PLXDC2: variants seen among roughly 807,000 people sequenced by gnomAD.
PLXDC2 encodes the protein plexin domain-containing protein 2.
In PLXDC2, 40 loss-of-function variants were observed where a neutral mutation model predicts 68.9. The ratio of observed to expected loss-of-function variants is 0.58; its 90% CI spans 0.45 to 0.76. The LOEUF is 0.76. PLXDC2 is among the 30% of genes least tolerant of loss of function. The pLI is 0.00. For missense variants in PLXDC2, 644 were observed against 661.9 expected (o/e 0.97, Z 0.30); for synonymous variants, 243 against 234.2 (o/e 1.04, Z -0.34).
intron 1 of PLXDC2, among the ~76,000 whole-genome samples, chr10:19,843,723 A>G (rs906734739): frequency 2.0e-5 from 3 of 152,160 alleles, no homozygotes; most frequent in African/African-American, 7.2e-5. Flanking sequence ...AAAAAATGTG[A>G]TCTCCTGGAG....
chr10:20,005,010 G>A (rs1236634936), intron 2 of PLXDC2, among the ~76,000 whole-genome samples: 1 of 152,076 alleles, frequency 6.6e-6, no homozygotes, highest in East Asian at 1.9e-4. Flanking sequence ...TGTGTTTTCT[G>A]GGCAATTTCA....
intron 5 of PLXDC2, among the ~76,000 whole-genome samples, chr10:20,144,007 A>G (rs1304212990): frequency 6.6e-6 from 1 of 152,136 alleles, no homozygotes; most frequent in Non-Finnish European, 1.5e-5. Flanking sequence ...AATAGAGAAA[A>G]AAACTATAAT....
At chr10:20,008,903 G>A (rs1297449087) in intron 2 of PLXDC2, among the ~76,000 whole-genome samples, 4 of 152,126 alleles carry the variant, frequency 2.6e-5, no homozygotes, top group East Asian at 1.9e-4. Flanking sequence ...ACCTTCTGCC[G>A]TGATTGTCAG....
chr10:20,179,488 G>A (rs1365850108), intron 9 of PLXDC2, among the ~76,000 whole-genome samples: 1 of 151,888 alleles, frequency 6.6e-6, no homozygotes, highest in Admixed American at 6.6e-5. Flanking sequence ...GACTTTCAAT[G>A]CTAAAACCAG....
chr10:19,920,597 A>T (rs918114158), intron 1 of PLXDC2, among the ~76,000 whole-genome samples: 6 of 152,092 alleles, frequency 3.9e-5, no homozygotes, highest in Non-Finnish European at 2.9e-5. Context: ...TCCAGGGGAA[A>T]ACCCTCCCAC....
chr10:19,952,929 A>T (rs1454476692), intron 1 of PLXDC2, among the ~76,000 whole-genome samples: 3 of 151,908 alleles, frequency 2.0e-5, no homozygotes, highest in Non-Finnish European at 4.4e-5. Context: ...TGTTTTGATG[A>T]TCTCAGCTCA....
chr10:20,144,263 A>C (rs1834044673), intron 5 of PLXDC2, among the ~76,000 whole-genome samples: 2 of 152,164 alleles, frequency 1.3e-5, no homozygotes, highest in South Asian at 2.1e-4. Context: ...TGGGGTGAAC[A>C]GAGTTATTTC....
At chr10:20,166,255 G>C (rs1465394049) in intron 7 of PLXDC2, among the ~76,000 whole-genome samples, 1 of 152,084 alleles carries the variant, frequency 6.6e-6, no homozygotes, top group Non-Finnish European at 1.5e-5. Context: ...AGAACTGAAT[G>C]GTTATGTTAC....
intron 4 of PLXDC2, among the ~76,000 whole-genome samples, chr10:20,128,386 T>C (rs902166597): frequency 1.3e-5 from 2 of 152,184 alleles, no homozygotes; most frequent in South Asian, 4.1e-4. Flanking sequence ...AATTGGCAAA[T>C]GCAATTTGTA....
intron 4 of PLXDC2, among the ~76,000 whole-genome samples, chr10:20,139,340 G>C (rs1833971596): frequency 6.6e-6 from 1 of 152,170 alleles, no homozygotes; most frequent in South Asian, 2.1e-4. Context: ...TTTAAATGAA[G>C]GTGTCTTTCT....
intron 1 of PLXDC2, among the ~76,000 whole-genome samples, chr10:19,890,853 C>T (rs1305641169): frequency 3.3e-5 from 5 of 151,984 alleles, no homozygotes. Flanking sequence ...GTATTTCTCT[C>T]AGTGATACTG....
intron 9 of PLXDC2, among the ~76,000 whole-genome samples, chr10:20,204,537 T>A (rs950003517): frequency 2.0e-5 from 3 of 152,188 alleles, no homozygotes; most frequent in Non-Finnish European, 4.4e-5. Context: ...TAACACATCC[T>A]GATAAATACC....
At position 19,931,240 on chromosome 10, in the gene PLXDC2, C is replaced by A. The variant is rs79953550; in HGVS notation, c.113-70535C>A. ...TTGGACTCTTCAGAAGTCCTGAGGA[C>A]GGGCCAGCTTGGCAAGTTTTCTCCT... is the stretch of plus-strand genomic sequence containing the variant. On this transcript the variant is annotated intron_variant, in intron 1 of 13. Transcript: ENST00000377252. Among the ~76,000 whole-genome samples the A allele has an allele frequency of 4.9e-3, 754 of 152,346 alleles. 8 individuals are homozygous for A. The highest frequency in any genetic ancestry group is 0.016 in the African/African-American group (667 of 41,592).
At chr10:20,051,242 T>C (rs1225507490) in intron 3 of PLXDC2, among the ~76,000 whole-genome samples, 1 of 151,418 alleles carries the variant, frequency 6.6e-6, no homozygotes, top group Admixed American at 6.6e-5. Flanking sequence ...TAAGGGTGGA[T>C]GGTAGGAGGA....
chr10:19,872,213 C>T (rs1837551907), intron 1 of PLXDC2, among the ~76,000 whole-genome samples: 1 of 152,190 alleles, frequency 6.6e-6, no homozygotes, highest in Non-Finnish European at 1.5e-5. Context: ...AAAGGCAACG[C>T]AGGTCAAGTA....
intron 9 of PLXDC2, 125 bp from the exon 10 acceptor site, chr10:20,211,544 G>A (rs1057297237): frequency 1.3e-6 from 1 of 777,518 alleles, no homozygotes; most frequent in Non-Finnish European, 2.1e-6. Context: ...CTATAGAAGA[G>A]TTAATGTTAT....
chr10:19,895,778 G>T (rs541262231), intron 1 of PLXDC2, among the ~76,000 whole-genome samples: 1 of 152,102 alleles, frequency 6.6e-6, no homozygotes, highest in African/African-American at 2.4e-5. Flanking sequence ...CTAAGGGCTG[G>T]GCATGGTGGC....
chr10:20,094,325 A>C (rs1168314771), intron 4 of PLXDC2, among the ~76,000 whole-genome samples: 1 of 152,248 alleles, frequency 6.6e-6, no homozygotes, highest in East Asian at 1.9e-4. Flanking sequence ...TATTGCTTTA[A>C]CTCTGGCATA....
At chr10:20,120,986 G>C (rs1278925862) in intron 4 of PLXDC2, among the ~76,000 whole-genome samples, 2 of 152,156 alleles carry the variant, frequency 1.3e-5, no homozygotes, top group African/African-American at 4.8e-5. Context: ...GTGAATGTCA[G>C]GTGGATCAGA....
Sources: gnomAD v4.1 joint callset for allele counts (sites outside exome capture counted in the v4.1 genomes callset) on GRCh38, gnomAD v4.1.1 for gene constraint, MANE v1.5 for transcripts, NCBI Gene and HGNC (gene_info 2026-07-23, HGNC 2026-07-21) for gene names.